LRRC37A2: variants seen among roughly 807,000 people sequenced by gnomAD.
The protein encoded by LRRC37A2 is leucine rich repeat containing 37 member A2, also known as leucine-rich repeat-containing protein 37A2.
LRRC37A2 carries 9 observed loss-of-function variants against 68.8 expected under a neutral mutation model. The ratio of observed to expected loss-of-function variants is 0.13; its 90% CI spans 0.08 to 0.23. The LOEUF (loss-of-function observed/expected upper bound fraction) is 0.23. Among genes scored for constraint, LRRC37A2 ranks in the 10% least tolerant of loss-of-function variants. The pLI, the probability that LRRC37A2 is intolerant of heterozygous loss-of-function variation, is 1.00. For synonymous variants in LRRC37A2, 63 were observed against 367.6 expected, an observed-to-expected ratio of 0.17 and a Z score of 9.48; for missense variants, 168 against 950.4, an observed-to-expected ratio of 0.18 and a Z score of 10.82.
the LRRC37A2 span, among the ~76,000 whole-genome samples, chr17:46,894,666 C>G: frequency 6.6e-6 from 1 of 152,206 alleles, no homozygotes. Context: ...GCCACCAGGT[C>G]TCCGTGGGGC....
the LRRC37A2 span, among the ~76,000 whole-genome samples, chr17:46,409,396 C>T: frequency 5.3e-5 from 8 of 149,564 alleles, no homozygotes; most frequent in South Asian, 6.5e-4. Context: ...TCTCATACCT[C>T]AGTCTCCCGA....
At chr17:46,752,261 T>G in the LRRC37A2 span, among the ~76,000 whole-genome samples, 1 of 152,132 alleles carries the variant, frequency 6.6e-6, no homozygotes, top group Admixed American at 6.5e-5. Flanking sequence ...TCCTGGCAAC[T>G]TACCTTTCTT....
the LRRC37A2 span, among the ~76,000 whole-genome samples, chr17:46,957,056 C>T: frequency 6.6e-6 from 1 of 152,168 alleles, no homozygotes; most frequent in Admixed American, 6.5e-5. Flanking sequence ...CACTTGTAGT[C>T]CCAGCACTTT....
At chr17:46,799,049 A>AT in the LRRC37A2 span, among the ~76,000 whole-genome samples, 1 of 146,718 alleles carries the variant, frequency 6.8e-6, no homozygotes, top group African/African-American at 2.4e-5. Flanking sequence ...TCCGTCTCAA[A>AT]AAAAAAAAAA....
chr17:46,908,069 T>G, the LRRC37A2 span, among the ~76,000 whole-genome samples: 1 of 152,060 alleles, frequency 6.6e-6, no homozygotes, highest in Admixed American at 6.6e-5. Flanking sequence ...TGTGCTTGAT[T>G]CCAGGAGGCT....
At chr17:46,938,774 A>G in the LRRC37A2 span, 1 of 1,613,686 alleles carries the variant, frequency 6.2e-7, no homozygotes, top group Non-Finnish European at 8.5e-7. Flanking sequence ...AGCCACGCTC[A>G]GTGGCTGAAC....
At chr17:46,749,843 C>T in the LRRC37A2 span, 1 of 1,614,176 alleles carries the variant, frequency 6.2e-7, no homozygotes, top group Non-Finnish European at 8.5e-7. Context: ...ATGCTTAACG[C>T]TTTCAGCACC....
the LRRC37A2 span, among the ~76,000 whole-genome samples, chr17:46,779,669 C>A: frequency 6.6e-6 from 1 of 152,248 alleles, no homozygotes; most frequent in Non-Finnish European, 1.5e-5. Flanking sequence ...ACTCCCATCC[C>A]CACCCCAGTT....
the LRRC37A2 span, among the ~76,000 whole-genome samples, chr17:46,901,506 G>C: frequency 6.6e-6 from 1 of 152,174 alleles, no homozygotes; most frequent in Non-Finnish European, 1.5e-5. Flanking sequence ...GCTGGAGCTG[G>C]GGCAGCCAGG....
the LRRC37A2 span, among the ~76,000 whole-genome samples, chr17:46,714,289 A>G: frequency 6.6e-6 from 1 of 152,236 alleles, no homozygotes; most frequent in Admixed American, 6.5e-5. Context: ...GTTTGAATAA[A>G]GTGGACAAAT....
the LRRC37A2 span, among the ~76,000 whole-genome samples, chr17:46,981,530 T>A: frequency 6.6e-6 from 1 of 152,198 alleles, no homozygotes; most frequent in African/African-American, 2.4e-5. Flanking sequence ...GATCTTGGAC[T>A]TCCCAGCTCC....
the LRRC37A2 span, among the ~76,000 whole-genome samples, chr17:46,703,607 G>A: frequency 2.7e-5 from 4 of 149,536 alleles, no homozygotes; most frequent in Non-Finnish European, 4.4e-5. Context: ...GCATGAACCT[G>A]GGAGGTGGAG....
the LRRC37A2 span, among the ~76,000 whole-genome samples, chr17:46,456,200 T>C: frequency 7.2e-4 from 64 of 89,298 alleles, 4 homozygotes; most frequent in African/African-American, 2.2e-3. Context: ...TGAATAGTAT[T>C]CCATGGGATA....
At chr17:46,859,661 G>A in the LRRC37A2 span, among the ~76,000 whole-genome samples, 158 of 152,222 alleles carry the variant, frequency 1.0e-3, no homozygotes, top group African/African-American at 3.6e-3. Context: ...TTTCGAAATT[G>A]CATGGGCTAT....
At chr17:47,025,989 C>A in the LRRC37A2 span, among the ~76,000 whole-genome samples, 1 of 136,934 alleles carries the variant, frequency 7.3e-6, no homozygotes, top group African/African-American at 2.8e-5. Flanking sequence ...AAGACCTAGT[C>A]CATGCTTTCA....
the LRRC37A2 span, among the ~76,000 whole-genome samples, chr17:46,988,266 A>G: frequency 1.3e-5 from 2 of 152,246 alleles, no homozygotes; most frequent in African/African-American, 4.8e-5. Flanking sequence ...TTTGTATGAA[A>G]TACCCAGAAA....
the LRRC37A2 span, among the ~76,000 whole-genome samples, chr17:46,783,609 C>T: frequency 5.9e-5 from 9 of 152,178 alleles, no homozygotes; most frequent in East Asian, 1.5e-3. Context: ...AACTTTCAGC[C>T]CCAGTAACCT....
At chr17:46,568,517 G>A in the LRRC37A2 span, among the ~76,000 whole-genome samples, 24 of 114,676 alleles carry the variant, frequency 2.1e-4, 3 homozygotes, top group African/African-American at 6.9e-4. Context: ...AAAAAAGAGG[G>A]GGGGAGGCCA....
the LRRC37A2 span, among the ~76,000 whole-genome samples, chr17:46,855,522 A>G: frequency 1.3e-5 from 2 of 152,152 alleles, no homozygotes; most frequent in African/African-American, 2.4e-5. Context: ...AAGGTTCCCT[A>G]ATGCTAACAG....
Sources: gnomAD v4.1 joint callset for allele counts (sites outside exome capture counted in the v4.1 genomes callset) on GRCh38, gnomAD v4.1.1 for gene constraint, MANE v1.5 for transcripts, NCBI Gene and HGNC (gene_info 2026-07-23, HGNC 2026-07-21) for gene names.